The following TLDC2 variants were observed in gnomAD, a reference collection of about 807,000 sequenced individuals.
TLDC2 encodes the protein TBC/LysM-associated domain containing 2, also known as TLD domain-containing protein 2.
TLDC2 carries 23 observed loss-of-function variants against 27.9 expected under a neutral mutation model. The observed-to-expected ratio is 0.82, with a 90% CI of 0.59 to 1.17. The LOEUF is 1.17. Ranked by LOEUF, TLDC2 falls within the 50% of genes most tolerant of loss-of-function variation. TLDC2 has a pLI of 0.00. For missense variants in TLDC2, 286 were observed against 273.4 expected (o/e 1.05, Z -0.32); for synonymous variants, 124 against 107.4 (o/e 1.16, Z -0.96).
At chr20:36,885,276 C>T (rs1989898304) in intron 4 of TLDC2, among the ~76,000 whole-genome samples, 1 of 152,026 alleles carries the variant, frequency 6.6e-6, no homozygotes, top group African/African-American at 2.4e-5. Context: ...CTACCCAGTG[C>T]CTGAAAATAG....
rs35828858 is a variant in TLDC2 at position 36,888,704 on chromosome 20, CAA to C, written c.513-524_513-523del. On this transcript the variant is annotated intron_variant, in intron 5 of 6. Coordinates refer to ENST00000217320, the MANE Select transcript of TLDC2 (RefSeq NM_080628.3). Reference sequence around the variant, plus strand: ...CTGGGCGACAGAGCAAGACTCCTATCAAAAAAAAAAAAAAAAAAAAAAAATTG... The same window carrying C: ...CTGGGCGACAGAGCAAGACTCCTATCAAAAAAAAAAAAAAAAAAAAAATTG... 4.0e-3 allele frequency among the ~76,000 whole-genome samples: 253 copies of C among 62,746 alleles called. 1 individual carries two copies. Among genetic ancestry groups the C allele is most frequent in the African/African-American group, 0.012 (171 of 14,558 alleles). The allele number at this position is 62,746 out of a possible 152,430, so 41.2% of individuals were successfully genotyped here.
intron 4 of TLDC2, among the ~76,000 whole-genome samples, chr20:36,883,036 T>A (rs1237930996): frequency 6.6e-6 from 1 of 152,056 alleles, no homozygotes; most frequent in Non-Finnish European, 1.5e-5. Context: ...TTCCCACAGC[T>A]CTCCATGCTG....
intron 4 of TLDC2, 45 bp downstream of exon 4, chr20:36,880,795 G>A: frequency 6.3e-7 from 1 of 1,580,646 alleles, no homozygotes. Flanking sequence ...CGTGTGGCGA[G>A]ACAAAGCTCC....
At position 36,892,987 on chromosome 20, in the gene TLDC2, C is replaced by T. The variant is rs1428692954; in HGVS notation, c.*143C>T. 8 of 1,613,452 alleles carry T rather than the reference C, an allele frequency of 5.0e-6. No homozygotes were observed. Among genetic ancestry groups the T allele is most frequent in the East Asian group, 2.2e-5 (1 of 44,878 alleles). ...TCTGCTTTTGGATGCTTCTCGGAGGCGAGTTGGATTTTGGACTGAAGTACT... is the reference window on the plus strand; with the variant it reads ...TCTGCTTTTGGATGCTTCTCGGAGGTGAGTTGGATTTTGGACTGAAGTACT... On this transcript the variant is annotated 3_prime_UTR_variant, in exon 7 of 7. Coordinates refer to ENST00000217320, the MANE Select transcript of TLDC2 (RefSeq NM_080628.3).
At position 36,889,407 on chromosome 20, in the gene TLDC2, C is replaced by A; in HGVS notation, c.*17+4C>A. On this transcript the variant is annotated splice_donor_region_variant and intron_variant, in intron 6 of 6. Coordinates refer to ENST00000217320, the MANE Select transcript of TLDC2 (RefSeq NM_080628.3). ...GCTGACAGCCCTGCGGCAACAGGTA[C>A]TCAGCCCTGCTCATGATGCCACCCA... is the stretch of plus-strand genomic sequence containing the variant. The A allele has an allele frequency of 6.2e-7, 1 of 1,610,586 alleles. No homozygotes were observed. Among genetic ancestry groups the A allele is most frequent in the Non-Finnish European group, 8.5e-7 (1 of 1,178,886 alleles).
At position 36,880,893 on chromosome 20, in the gene TLDC2, G is replaced by A. The variant is rs954397103; in HGVS notation, c.438+143G>A. ...CCCACAGGGGAATGAGCAGGGCAGTGGTGGGCAGAGCATCCCCCTTGACCT... is the reference window on the plus strand; with the variant it reads ...CCCACAGGGGAATGAGCAGGGCAGTAGTGGGCAGAGCATCCCCCTTGACCT... On this transcript the variant is annotated intron_variant, in intron 4 of 6. Transcript: ENST00000217320. 1.3e-5 allele frequency: 10 copies of A among 748,508 alleles called. No homozygotes were observed. The African/African-American group carries it at 1.4e-4, about 10-fold the overall frequency. 46.4% of individuals were successfully genotyped at this position (748,508 alleles called of 1,614,324 possible).
chr20:36,877,940 C>G lies in TLDC2; in HGVS notation c.75C>G (p.Asn25Lys), dbSNP rs775762536. 37 of 1,613,794 alleles carry G rather than the reference C, an allele frequency of 2.3e-5. No homozygotes were observed. The Admixed American group carries it at 4.7e-4, about 20-fold the overall frequency. The change falls in exon 2 of 7, where the codon AAC becomes AAG. Residue 25 changes from asparagine to lysine, a missense_variant. Physicochemically the swap from Asn to Lys is moderately conservative, Grantham distance 94 (BLOSUM62 0). Coordinates refer to ENST00000217320, the MANE Select transcript of TLDC2 (RefSeq NM_080628.3). ...ACACCCTGTCTGGGGAGGAGGGTAACGAAGAGGAAGAGGAGGAGGAGGCAG... is the reference window on the plus strand; with the variant it reads ...ACACCCTGTCTGGGGAGGAGGGTAAGGAAGAGGAAGAGGAGGAGGAGGCAG... ...VEDTLSGEEGNEEEEEEEAAP... is the reference protein window; with the variant it reads ...VEDTLSGEEGKEEEEEEEAAP...
intron 4 of TLDC2, among the ~76,000 whole-genome samples, chr20:36,887,160 T>G (rs1336569376): frequency 3.9e-5 from 6 of 152,160 alleles, no homozygotes; most frequent in Non-Finnish European, 7.4e-5. Context: ...TGGCCTGGAC[T>G]GCTCCCCTCC....
At chr20:36,876,291 T>C (rs1431559212) in intron 1 of TLDC2, 84 bp downstream of exon 1, 11 of 1,576,850 alleles carry the variant, frequency 7.0e-6, no homozygotes, top group Non-Finnish European at 9.6e-6. Context: ...TGGGCTAGGG[T>C]TGGATGCGGG....
intron 1 of TLDC2, 151 bp downstream of exon 1, chr20:36,876,358 G>T: frequency 9.8e-7 from 1 of 1,025,606 alleles, no homozygotes; most frequent in South Asian, 1.4e-5. Context: ...TTGGAGCAAG[G>T]ACTGACTCAG....
At chr20:36,877,444 A>C (rs1430947867) in intron 1 of TLDC2, among the ~76,000 whole-genome samples, 1 of 151,928 alleles carries the variant, frequency 6.6e-6, no homozygotes, top group Admixed American at 6.6e-5. Flanking sequence ...CAGACAGTGC[A>C]CACTGAACAC....
At chr20:36,888,056 G>A (rs930442226) in intron 5 of TLDC2, among the ~76,000 whole-genome samples, 12 of 152,156 alleles carry the variant, frequency 7.9e-5, no homozygotes, top group African/African-American at 2.9e-4. Flanking sequence ...TGCCTGAAAA[G>A]CCTCCACTGA....
intron 3 of TLDC2, 26 bp from the exon 4 acceptor site, chr20:36,880,629 T>C: frequency 6.2e-7 from 1 of 1,603,842 alleles, no homozygotes; most frequent in Non-Finnish European, 8.5e-7. Flanking sequence ...CCCTTCCAGC[T>C]GCAGACTACA....
chr20:36,892,594 T>A (rs1018416141), intron 6 of TLDC2: 7 of 324,462 alleles, frequency 2.2e-5, no homozygotes, highest in Non-Finnish European at 4.1e-5. Flanking sequence ...AAAGTTCGAG[T>A]CCAAGCTGGG....
intron 4 of TLDC2, among the ~76,000 whole-genome samples, chr20:36,886,603 A>AG (rs904583299): frequency 1.3e-5 from 2 of 151,462 alleles, no homozygotes; most frequent in African/African-American, 4.8e-5. Context: ...AAAGAGAGAG[A>AG]AAAAAAATTT....
chr20:36,882,977 G>C (rs1342881582), intron 4 of TLDC2, among the ~76,000 whole-genome samples: 2 of 152,022 alleles, frequency 1.3e-5, no homozygotes, highest in Non-Finnish European at 2.9e-5. Context: ...TCAGGTGTTG[G>C]TTCTCATCTC....
chr20:36,889,469 A>G (rs1205717691), intron 6 of TLDC2, 66 bp downstream of exon 6: 8 of 1,529,552 alleles, frequency 5.2e-6, no homozygotes, highest in Middle Eastern at 2.3e-4. Context: ...GCTGTTTGAA[A>G]CACAGATGGT....
intron 5 of TLDC2, among the ~76,000 whole-genome samples, chr20:36,888,262 C>T (rs1185593947): frequency 1.4e-4 from 21 of 151,740 alleles, no homozygotes; most frequent in African/African-American, 9.7e-5. Context: ...GACAGAGTCT[C>T]GCTCTGTCGC....
intron 6 of TLDC2, chr20:36,889,851 T>C (rs1425366419): frequency 2.0e-5 from 3 of 152,838 alleles, no homozygotes; most frequent in Non-Finnish European, 2.9e-5. Flanking sequence ...TGCCTAAAAT[T>C]CAACCCCCCC....
Sources: gnomAD v4.1 joint callset for allele counts (sites outside exome capture counted in the v4.1 genomes callset) on GRCh38, gnomAD v4.1.1 for gene constraint, MANE v1.5 for transcripts, NCBI Gene and HGNC (gene_info 2026-07-23, HGNC 2026-07-21) for gene names.